PLB1: variants seen among roughly 807,000 people sequenced by gnomAD.
PLB1 encodes the protein phospholipase B1, membrane-associated.
In PLB1, 242 loss-of-function variants were observed where a neutral mutation model predicts 227.4. The observed-to-expected ratio is 1.06, with a 90% CI of 0.96 to 1.18. The LOEUF is 1.18. Among genes scored for constraint, PLB1 ranks in the 50% most tolerant of loss-of-function variants. The pLI, the probability that PLB1 is intolerant of heterozygous loss-of-function variation, is 0.00. For missense variants in PLB1, 1,858 were observed against 1,816.3 expected (o/e 1.02, Z -0.42); for synonymous variants, 757 against 682.2 (o/e 1.11, Z -1.71).
At chr2:28,642,163 C>T (rs1164806006) in intron 57 of PLB1, among the ~76,000 whole-genome samples, 1 of 152,190 alleles carries the variant, frequency 6.6e-6, no homozygotes, top group Non-Finnish European at 1.5e-5. Flanking sequence ...TGTGGGTCTC[C>T]TTTTCTATTT....
rs759469988 is a variant in PLB1, at chr2:28,566,778, C to T, written c.1281-18C>T. 1.2e-5 allele frequency: 20 copies of T among 1,613,950 alleles called. 1 individual carries two copies. In the South Asian group the frequency reaches 1.6e-4, roughly 13 times the overall value. On this transcript the variant is annotated intron_variant, in intron 19 of 57. Coordinates refer to ENST00000327757, the MANE Select transcript of PLB1 (RefSeq NM_153021.5). Reference sequence around the variant, plus strand: ...GGGATTTTAACCCTTCATTTTCTTTCTTGGACCCACGTTACAGCGTCGGCG... The same window carrying T: ...GGGATTTTAACCCTTCATTTTCTTTTTTGGACCCACGTTACAGCGTCGGCG...
chr2:28,559,571 T>C (rs1675700380), intron 17 of PLB1, among the ~76,000 whole-genome samples: 1 of 152,142 alleles, frequency 6.6e-6, no homozygotes, highest in Middle Eastern at 3.2e-3. Flanking sequence ...AGACGAGACC[T>C]TGGAGACCTG....
intron 57 of PLB1, among the ~76,000 whole-genome samples, chr2:28,641,970 C>CCAT (rs1449026389): frequency 1.3e-5 from 2 of 152,148 alleles, no homozygotes; most frequent in African/African-American, 4.8e-5. Flanking sequence ...GCCGGTGGAT[C>CCAT]CATCTCCCAG....
intron 56 of PLB1, among the ~76,000 whole-genome samples, chr2:28,635,077 GAAACA>G (rs1444781720): frequency 1.3e-5 from 2 of 152,108 alleles, no homozygotes; most frequent in African/African-American, 2.4e-5. Flanking sequence ...AGCTATTGTG[GAAACA>G]AAACAAGACT....
At chr2:28,509,205 G>C (rs989332235) in intron 1 of PLB1, among the ~76,000 whole-genome samples, 5 of 152,172 alleles carry the variant, frequency 3.3e-5, no homozygotes, top group African/African-American at 1.2e-4. Flanking sequence ...CGAACATCAA[G>C]GAAATCCATA....
chr2:28,561,623 G>A (rs919030797), intron 17 of PLB1, among the ~76,000 whole-genome samples: 2 of 152,236 alleles, frequency 1.3e-5, no homozygotes, highest in Admixed American at 6.5e-5. Flanking sequence ...GGGCTCTGTA[G>A]CTCATGCCTG....
intron 43 of PLB1, among the ~76,000 whole-genome samples, chr2:28,607,877 C>G (rs1039269468): frequency 6.6e-6 from 1 of 152,144 alleles, no homozygotes; most frequent in Admixed American, 6.5e-5. Flanking sequence ...CACTCCCCTT[C>G]CATTACATAA....
intron 1 of PLB1, among the ~76,000 whole-genome samples, chr2:28,499,339 A>C (rs542406232): frequency 8.5e-5 from 13 of 152,264 alleles, no homozygotes; most frequent in African/African-American, 1.7e-4. Flanking sequence ...TAGAGAATCC[A>C]GGCTCAAGTC....
At chr2:28,573,899 G>A (rs1294481755) in intron 21 of PLB1, among the ~76,000 whole-genome samples, 2 of 152,232 alleles carry the variant, frequency 1.3e-5, no homozygotes, top group East Asian at 1.9e-4. Flanking sequence ...CGTGACACAC[G>A]TTGGTCAAAA....
chr2:28,635,727 C>T (rs1204801775), intron 56 of PLB1, among the ~76,000 whole-genome samples: 3 of 152,010 alleles, frequency 2.0e-5, no homozygotes, highest in African/African-American at 7.2e-5. Flanking sequence ...GCTCCAGCAG[C>T]ACCAGGGGAT....
chr2:28,576,719 G>A (rs1429876702), intron 21 of PLB1, among the ~76,000 whole-genome samples: 1 of 152,162 alleles, frequency 6.6e-6, no homozygotes, highest in Non-Finnish European at 1.5e-5. Context: ...GATAGCACGA[G>A]ACTCAGTCTC....
intron 38 of PLB1, among the ~76,000 whole-genome samples, chr2:28,602,613 C>T (rs902199228): frequency 1.6e-4 from 25 of 152,348 alleles, no homozygotes; most frequent in African/African-American, 4.1e-4. Flanking sequence ...GTGCCATTGC[C>T]GCTGCAGCCC....
At chr2:28,621,403 G>T (rs919361311) in intron 49 of PLB1, among the ~76,000 whole-genome samples, 1 of 152,166 alleles carries the variant, frequency 6.6e-6, no homozygotes, top group South Asian at 2.1e-4. Flanking sequence ...TGCATGACCC[G>T]GGGGATAGCT....
At chr2:28,521,024 T>C (rs1208536481) in intron 4 of PLB1, among the ~76,000 whole-genome samples, 1 of 152,216 alleles carries the variant, frequency 6.6e-6, no homozygotes, top group East Asian at 1.9e-4. Flanking sequence ...TTCATATAAG[T>C]GAAATCATAC....
chr2:28,570,421 C>A (rs1677811325), intron 20 of PLB1, among the ~76,000 whole-genome samples: 1 of 152,074 alleles, frequency 6.6e-6, no homozygotes, highest in African/African-American at 2.4e-5. Context: ...AGACCAAAAC[C>A]ACACATCATG....
chr2:28,558,595 T>A (rs143244682), intron 17 of PLB1, among the ~76,000 whole-genome samples: 2 of 152,168 alleles, frequency 1.3e-5, no homozygotes, highest in Non-Finnish European at 2.9e-5. Flanking sequence ...TCTAACCACA[T>A]GGTGTAGCTG....
chr2:28,620,493 G>C (rs532119126), intron 47 of PLB1, 107 bp from the exon 48 acceptor site: 1 of 1,425,852 alleles, frequency 7.0e-7, no homozygotes, highest in Admixed American at 2.1e-5. Context: ...TGATGGGAGA[G>C]ACGCCCCAGG....
chr2:28,532,139 T>C lies in PLB1; in HGVS notation c.500T>C (p.Ile167Thr), dbSNP rs1671097129. The change falls in exon 9 of 58, where the codon ATC becomes ACC. Residue 167 changes from isoleucine (I) to threonine (T), a missense_variant. Transcript: ENST00000327757. ...QLDFQFDWKL[I>T]NVFFSNASQC... Reference sequence around the variant, plus strand: ...GACTTTCAATTTGACTGGAAGCTCATCAATGTGTTCTTCAGTAATGCAAGC... The same window carrying C: ...GACTTTCAATTTGACTGGAAGCTCACCAATGTGTTCTTCAGTAATGCAAGC... 1.2e-6 allele frequency: 2 copies of C among 1,612,740 alleles called. No individual in the cohort carries two copies. Among genetic ancestry groups the C allele is most frequent in the East Asian group, 2.2e-5 (1 of 44,768 alleles).
chr2:28,622,495 G>A (rs1327237876), intron 49 of PLB1, among the ~76,000 whole-genome samples: 1 of 152,180 alleles, frequency 6.6e-6, no homozygotes, highest in East Asian at 1.9e-4. Context: ...TTTAATAATG[G>A]ATCTTCAGTT....
Sources: allele counts gnomAD v4.1 joint callset (sites outside exome capture counted in the v4.1 genomes callset), GRCh38; gene constraint gnomAD v4.1.1; transcripts MANE v1.5; gene names NCBI Gene and HGNC (gene_info 2026-07-23, HGNC 2026-07-21).